The following ARHGAP18 variants were observed in gnomAD, a reference collection of about 807,000 sequenced individuals.
ARHGAP18 encodes the protein Rho GTPase activating protein 18, also known as rho GTPase-activating protein 18.
ARHGAP18 carries 67 observed loss-of-function variants against 86.2 expected under a neutral mutation model. That is an observed-to-expected ratio of 0.78 (90% CI 0.64 to 0.95). The LOEUF (loss-of-function observed/expected upper bound fraction) is 0.95. Among genes scored for constraint, ARHGAP18 ranks in the 40% least tolerant of loss-of-function variants. ARHGAP18 has a pLI of 0.00. For missense variants in ARHGAP18, 691 were observed against 780.4 expected (o/e 0.89, Z 1.37); for synonymous variants, 283 against 280.4 (o/e 1.01, Z -0.09).
rs1202112388 is a variant in ARHGAP18 at position 129,625,014 on chromosome 6, TATATATG to T, written c.786+4332_786+4338del. Reference sequence around the variant, plus strand: ...TTATATATGATATATATTTATATAATATATATGATATATGATATATATTTATATAATA... The same window carrying T: ...TTATATATGATATATATTTATATAATATATATGATATATATTTATATAATA... On this transcript the variant is annotated intron_variant, in intron 5 of 14. Coordinates refer to ENST00000368149, the MANE Select transcript of ARHGAP18 (RefSeq NM_033515.3). 4.5e-5 allele frequency among the ~76,000 whole-genome samples: 4 copies of T among 89,882 alleles called. 1 individual carries two copies. Among genetic ancestry groups the T allele is most frequent in the Non-Finnish European group, 8.9e-5 (4 of 45,090 alleles). 59.0% of individuals were successfully genotyped at this position (89,882 alleles called of 152,430 possible).
At chr6:129,589,865 G>T (rs1788476042) in intron 12 of ARHGAP18, among the ~76,000 whole-genome samples, 1 of 152,162 alleles carries the variant, frequency 6.6e-6, no homozygotes, top group Non-Finnish European at 1.5e-5. Flanking sequence ...CCTCAAAAGT[G>T]GGGAAGCTGA....
At chr6:129,593,193 G>GGCTT in intron 12 of ARHGAP18, among the ~76,000 whole-genome samples, 1 of 152,184 alleles carries the variant, frequency 6.6e-6, no homozygotes, top group Non-Finnish European at 1.5e-5. Flanking sequence ...CAGGTGCAGT[G>GGCTT]GCTTACACCT....
intron 1 of ARHGAP18, among the ~76,000 whole-genome samples, chr6:129,662,927 T>G (rs1171837913): frequency 6.6e-6 from 1 of 152,198 alleles, no homozygotes; most frequent in Non-Finnish European, 1.5e-5. Context: ...AATTAAAATT[T>G]TATTATTTAT....
intron 1 of ARHGAP18, among the ~76,000 whole-genome samples, chr6:129,701,523 A>G (rs6569623): frequency 0.8 from 122,180 of 152,216 alleles, 49,165 homozygotes; most frequent in South Asian, 0.87. Context: ...TATAATCCCC[A>G]CACTTTGGGA....
In ARHGAP18 at chr6:129,584,131, ACTGGAACAAAGCTGGCAGCAG is replaced by A; in HGVS notation, c.1714-40_1714-20del. On this transcript the variant is annotated intron_variant, in intron 12 of 14. Transcript: ENST00000368149. The stretch of plus-strand genomic sequence containing the variant: ...CGTCAGCCTGCAAAGCAATAATGAC[ACTGGAACAAAGCTGGCAGCAG>A]CTGGAACGTGTAACTCTACAATGCA... The A allele has an allele frequency of 6.2e-7, 1 of 1,613,100 alleles. No homozygotes were observed. Among genetic ancestry groups the A allele is most frequent in the Non-Finnish European group, 8.5e-7 (1 of 1,179,404 alleles).
chr6:129,581,927 A>G (rs1214852796), intron 13 of ARHGAP18, among the ~76,000 whole-genome samples: 1 of 152,138 alleles, frequency 6.6e-6, no homozygotes, highest in Admixed American at 6.5e-5. Context: ...TTCCTAGTTA[A>G]TTACAATAAT....
chr6:129,685,675 TTAA>T (rs1324931168), intron 1 of ARHGAP18, among the ~76,000 whole-genome samples: 2 of 152,248 alleles, frequency 1.3e-5, no homozygotes, highest in Admixed American at 1.3e-4. Context: ...CTATTCAGAC[TTAA>T]ATGCAACCAT....
At chr6:129,589,729 A>G (rs187677327) in intron 12 of ARHGAP18, among the ~76,000 whole-genome samples, 1 of 152,264 alleles carries the variant, frequency 6.6e-6, no homozygotes, top group East Asian at 1.9e-4. Flanking sequence ...GTGGTTCTTG[A>G]AAAGGACAGA....
chr6:129,641,061 T>C (rs1185869265), intron 2 of ARHGAP18, among the ~76,000 whole-genome samples: 3 of 152,114 alleles, frequency 2.0e-5, no homozygotes, highest in Non-Finnish European at 4.4e-5. Context: ...GAAGTAAATA[T>C]GGAAGCTAAA....
At chr6:129,615,965 C>T (rs1425696152) in intron 7 of ARHGAP18, among the ~76,000 whole-genome samples, 1 of 152,132 alleles carries the variant, frequency 6.6e-6, no homozygotes, top group Non-Finnish European at 1.5e-5. Flanking sequence ...CTCAATTATA[C>T]AAAGCCAGCT....
intron 5 of ARHGAP18, among the ~76,000 whole-genome samples, chr6:129,625,555 T>G (rs1405421557): frequency 1.3e-5 from 1 of 77,414 alleles, no homozygotes; most frequent in Non-Finnish European, 2.2e-5. Context: ...ATATATTTAT[T>G]ATATATTATA....
At chr6:129,631,763 A>T (rs764267608) in intron 4 of ARHGAP18, among the ~76,000 whole-genome samples, 168 of 40,618 alleles carry the variant, frequency 4.1e-3, no homozygotes, top group African/African-American at 6.8e-3. Flanking sequence ...CTTCTATTTT[A>T]AAAAAAAAAA....
At chr6:129,604,058 C>T (rs1788802849) in intron 10 of ARHGAP18, among the ~76,000 whole-genome samples, 1 of 152,144 alleles carries the variant, frequency 6.6e-6, no homozygotes, top group South Asian at 2.1e-4. Flanking sequence ...ATTCTTTGCA[C>T]ATATGGCATT....
At chr6:129,664,349 C>T (rs1459290885) in intron 1 of ARHGAP18, among the ~76,000 whole-genome samples, 1 of 151,982 alleles carries the variant, frequency 6.6e-6, no homozygotes, top group Non-Finnish European at 1.5e-5. Context: ...GTCACCTACC[C>T]TCAATGGATC....
At chr6:129,707,256 T>C (rs986491363) in intron 1 of ARHGAP18, among the ~76,000 whole-genome samples, 7 of 152,058 alleles carry the variant, frequency 4.6e-5, no homozygotes, top group African/African-American at 1.7e-4. Flanking sequence ...GAAACAATTT[T>C]CAATAAATAC....
chr6:129,658,057 G>A (rs1773875754), intron 1 of ARHGAP18, among the ~76,000 whole-genome samples: 1 of 152,172 alleles, frequency 6.6e-6, no homozygotes, highest in Non-Finnish European at 1.5e-5. Context: ...AGTGTGGGAA[G>A]GAACTACTAC....
rs565969861 is a variant in ARHGAP18 at position 129,614,849 on chromosome 6, G to A, written c.1044+1363C>T. Among the ~76,000 whole-genome samples, 7 of 150,832 alleles carry A rather than the reference G, an allele frequency of 4.6e-5. No individual in the cohort carries two copies. The South Asian group carries it at 1.3e-3, about 27-fold the overall frequency. On this transcript the variant is annotated intron_variant, in intron 7 of 14. Transcript: ENST00000368149. ...AGTGGGCCTCATCCAAACAGTTGAA[G>A]GCCTAAAAGATTTTGGTTTCCCAAA...
At chr6:129,611,700 G>A (rs1788984125) in intron 7 of ARHGAP18, 90 bp from the exon 8 acceptor site, 2 of 1,065,454 alleles carry the variant, frequency 1.9e-6, no homozygotes, top group Non-Finnish European at 2.8e-6. Context: ...AAATAAAACT[G>A]ATTACAATGA....
At chr6:129,663,451 C>T (rs537764402) in intron 1 of ARHGAP18, among the ~76,000 whole-genome samples, 32 of 152,278 alleles carry the variant, frequency 2.1e-4, no homozygotes, top group South Asian at 6.2e-4. Flanking sequence ...CTGTTTCCTA[C>T]GCCCCAATAA....
Sources: gnomAD v4.1 joint callset for allele counts (sites outside exome capture counted in the v4.1 genomes callset) on GRCh38, gnomAD v4.1.1 for gene constraint, MANE v1.5 for transcripts, NCBI Gene and HGNC (gene_info 2026-07-23, HGNC 2026-07-21) for gene names.